Variants in SETD3 observed in about 807,000 individuals in gnomAD.
SETD3 encodes SET domain containing 3, actin N3(tau)-histidine methyltransferase, also known as actin-histidine N-methyltransferase.
SETD3 carries 19 observed loss-of-function variants against 63.0 expected under a neutral mutation model. The ratio of observed to expected loss-of-function variants is 0.30; its 90% CI spans 0.21 to 0.44. The LOEUF (loss-of-function observed/expected upper bound fraction) is 0.44, where lower values mean the gene tolerates loss of function less well. Among genes scored for constraint, SETD3 ranks in the 20% least tolerant of loss-of-function variants. The pLI, the probability that SETD3 is intolerant of heterozygous loss-of-function variation, is 1.00. For missense variants in SETD3, 587 were observed against 728.5 expected (o/e 0.81, Z 2.24); for synonymous variants, 286 against 264.1 (o/e 1.08, Z -0.80).
At chr14:99,465,340 G>C (rs952714115) in intron 2 of SETD3, among the ~76,000 whole-genome samples, 2 of 152,140 alleles carry the variant, frequency 1.3e-5, no homozygotes, top group Non-Finnish European at 2.9e-5. Context: ...CTATGTTTAC[G>C]ACAAGAACAC....
chr14:99,479,174 A>G (rs1896128362), intron 1 of SETD3, among the ~76,000 whole-genome samples: 1 of 152,196 alleles, frequency 6.6e-6, no homozygotes, highest in Non-Finnish European at 1.5e-5. Context: ...TCAGATATTA[A>G]CTTACAATCA....
chr14:99,434,489 G>T (rs549174362), intron 6 of SETD3, among the ~76,000 whole-genome samples: 1 of 152,298 alleles, frequency 6.6e-6, no homozygotes, highest in South Asian at 2.1e-4. Flanking sequence ...GGAAAAGACA[G>T]TGGGGAGTTT....
At chr14:99,429,589 T>C (rs575097692) in intron 6 of SETD3, among the ~76,000 whole-genome samples, 22 of 152,360 alleles carry the variant, frequency 1.4e-4, no homozygotes, top group African/African-American at 5.3e-4. Context: ...TTTGTTTCCA[T>C]ATATGTTCAG....
At chr14:99,467,869 C>T (rs1387574462) in intron 1 of SETD3, among the ~76,000 whole-genome samples, 1 of 152,170 alleles carries the variant, frequency 6.6e-6, no homozygotes. Context: ...CTCACCTCCT[C>T]CAAAGTCTTC....
intron 6 of SETD3, among the ~76,000 whole-genome samples, chr14:99,452,255 C>T (rs1894504516): frequency 6.6e-6 from 1 of 152,170 alleles, no homozygotes; most frequent in Admixed American, 6.5e-5. Context: ...TACAGTCACG[C>T]TCCACCACAC....
At chr14:99,455,929 C>T (rs183636853) in intron 6 of SETD3, among the ~76,000 whole-genome samples, 5 of 152,332 alleles carry the variant, frequency 3.3e-5, no homozygotes, top group Non-Finnish European at 5.9e-5. Flanking sequence ...ACAAGGCGGG[C>T]GGATCACTTG....
intron 1 of SETD3, among the ~76,000 whole-genome samples, chr14:99,473,663 G>A (rs904853779): frequency 1.3e-5 from 2 of 152,090 alleles, no homozygotes; most frequent in African/African-American, 4.8e-5. Flanking sequence ...AAGCACACTC[G>A]AGAGAGTGTG....
upstream of SETD3, among the ~76,000 whole-genome samples, chr14:99,484,693 A>C (rs1896439934): frequency 6.6e-6 from 1 of 152,210 alleles, no homozygotes; most frequent in Non-Finnish European, 1.5e-5. Flanking sequence ...GAATTATGTG[A>C]ACACCAGTTA....
intron 1 of SETD3, among the ~76,000 whole-genome samples, chr14:99,474,945 T>C (rs528278864): frequency 6.6e-6 from 1 of 152,332 alleles, no homozygotes; most frequent in African/African-American, 2.4e-5. Flanking sequence ...TGACTGACTT[T>C]TCATTACATA....
intron 6 of SETD3, among the ~76,000 whole-genome samples, chr14:99,421,067 C>T (rs1385810651): frequency 7.5e-6 from 1 of 133,736 alleles, no homozygotes; most frequent in Non-Finnish European, 1.6e-5. Flanking sequence ...TCCCCACCCC[C>T]ACCCCCAACA....
rs200689165 is a variant in SETD3, at chr14:99,412,961, G to A, written c.839C>T (p.Thr280Ile). ...LIPLWDMCNH[T>I]NGLITTGYNL... ...GGAAGAGGTCGTTACCAGGCCGTTG[G>A]TGTGGTTACACATATCCCATAAAGG... The change falls in exon 8 of 13, where the codon ACC becomes ATC. Residue 280 changes from threonine to isoleucine, a missense_variant. Physicochemically the swap from Thr to Ile is moderately conservative, Grantham distance 89. Coordinates refer to ENST00000331768, the MANE Select transcript of SETD3 (RefSeq NM_032233.3). The A allele has an allele frequency of 2.5e-6, 4 of 1,609,808 alleles. No individual in the cohort carries two copies. The East Asian group carries it at 8.9e-5, about 36-fold the overall frequency.
intron 6 of SETD3, among the ~76,000 whole-genome samples, chr14:99,433,610 T>C (rs2139696890): frequency 1.3e-5 from 2 of 152,228 alleles, no homozygotes; most frequent in East Asian, 3.9e-4. Flanking sequence ...GCTGATTTTT[T>C]GTATTTTCAG....
chr14:99,404,862 C>T (rs1891594913), intron 10 of SETD3, among the ~76,000 whole-genome samples: 1 of 152,130 alleles, frequency 6.6e-6, no homozygotes, highest in Admixed American at 6.5e-5. Context: ...ATTACAGAAA[C>T]TAATGGTAGC....
At chr14:99,423,969 T>G (rs546124380) in intron 6 of SETD3, among the ~76,000 whole-genome samples, 2 of 152,310 alleles carry the variant, frequency 1.3e-5, no homozygotes, top group Admixed American at 1.3e-4. Flanking sequence ...CTTTTTTTTT[T>G]TTCCAGAGGA....
At chr14:99,419,307 TA>T (rs1441731029) in intron 6 of SETD3, among the ~76,000 whole-genome samples, 1 of 152,136 alleles carries the variant, frequency 6.6e-6, no homozygotes, top group African/African-American at 2.4e-5. Context: ...CCTTATAATT[TA>T]AAAAACTTAA....
At chr14:99,482,868 G>A (rs914563534), upstream of SETD3, among the ~76,000 whole-genome samples, 1 of 152,184 alleles carries the variant, frequency 6.6e-6, no homozygotes, top group Non-Finnish European at 1.5e-5. Context: ...ACTCTGCTGA[G>A]TGTCTGAAAG....
At chr14:99,469,682 G>A (rs114136692) in intron 1 of SETD3, among the ~76,000 whole-genome samples, 1 of 152,214 alleles carries the variant, frequency 6.6e-6, no homozygotes, top group Non-Finnish European at 1.5e-5. Context: ...GAAGGCAGAG[G>A]CTGCAATGAG....
At chr14:99,472,175 A>G (rs1246863486) in intron 1 of SETD3, among the ~76,000 whole-genome samples, 1 of 152,254 alleles carries the variant, frequency 6.6e-6, no homozygotes, top group Non-Finnish European at 1.5e-5. Context: ...CCCAAGGATG[A>G]GGCTGGGAAA....
intron 1 of SETD3, chr14:99,478,696 T>TA (rs1398595846): frequency 7.9e-5 from 12 of 152,184 alleles, no homozygotes; most frequent in Admixed American, 7.2e-4. Context: ...GATTGTCTAC[T>TA]AAATATTCAC....
Sources: gnomAD v4.1 joint callset for allele counts (sites outside exome capture counted in the v4.1 genomes callset) on GRCh38, gnomAD v4.1.1 for gene constraint, MANE v1.5 for transcripts, NCBI Gene and HGNC (gene_info 2026-07-23, HGNC 2026-07-21) for gene names.